The following CREB3L2 variants were observed in gnomAD, a reference collection of about 807,000 sequenced individuals.
CREB3L2 encodes the protein cyclic AMP-responsive element-binding protein 3-like protein 2.
A neutral mutation model predicts 57.2 loss-of-function variants in CREB3L2; 23 were observed. The observed-to-expected ratio is 0.40, with a 90% CI of 0.29 to 0.57. CREB3L2 has a LOEUF of 0.57. Among genes scored for constraint, CREB3L2 ranks in the 20% least tolerant of loss-of-function variants. CREB3L2 has a pLI of 0.42. For missense variants in CREB3L2, 628 were observed against 634.7 expected, an observed-to-expected ratio of 0.99 and a Z score of 0.11; for synonymous variants, 268 against 265.1, an observed-to-expected ratio of 1.01 and a Z score of -0.11.
rs563008226 is a variant in CREB3L2, at chr7:137,875,918, A to G, written c.*4558T>C. 1.4e-3 allele frequency: 317 copies of G among 225,996 alleles called. No homozygotes were observed. Among genetic ancestry groups the G allele is most frequent in the Non-Finnish European group, 2.0e-3 (229 of 113,560 alleles). The allele number at this position is 225,996 out of a possible 1,614,324, so 14.0% of individuals were successfully genotyped here. On this transcript the variant is annotated 3_prime_UTR_variant, in exon 12 of 12. Coordinates refer to ENST00000330387, the MANE Select transcript of CREB3L2 (RefSeq NM_194071.4). ...TTGTCCAAAATAACAAAACAAAACA[A>G]CACCTAGTTTTTTCCTGTGTTAAGT...
chr7:137,881,597 A>G (rs1245946845), intron 11 of CREB3L2, among the ~76,000 whole-genome samples: 1 of 152,222 alleles, frequency 6.6e-6, no homozygotes, highest in East Asian at 1.9e-4. Context: ...TCCCCTGCAG[A>G]ATTAGGGGAT....
At chr7:137,930,496 T>A (rs530444799) in intron 1 of CREB3L2, among the ~76,000 whole-genome samples, 1 of 152,336 alleles carries the variant, frequency 6.6e-6, no homozygotes, top group African/African-American at 2.4e-5. Flanking sequence ...AGATGGGAGA[T>A]GTCCCTAGAG....
rs189720460 is a variant in CREB3L2 at position 137,943,539 on chromosome 7, C to T, written c.103-15173G>A. On this transcript the variant is annotated intron_variant, in intron 1 of 11. Coordinates refer to ENST00000330387, the MANE Select transcript of CREB3L2 (RefSeq NM_194071.4). ...CTGTACTACTTTCTCCTCAACCAAA[C>T]CTCCTTTCATCTACCAGTATCTTCT... 1.9e-3 allele frequency among the ~76,000 whole-genome samples: 287 copies of T among 152,276 alleles called. 4 individuals are homozygous for T. The highest frequency in any genetic ancestry group is 6.5e-3 in the African/African-American group (272 of 41,554).
intron 2 of CREB3L2, among the ~76,000 whole-genome samples, chr7:137,920,056 T>C (rs1201150607): frequency 6.6e-6 from 1 of 152,172 alleles, no homozygotes; most frequent in Non-Finnish European, 1.5e-5. Context: ...ATGGGGGTGT[T>C]TAGAAGCCCT....
chr7:137,925,400 A>G (rs978454641), intron 2 of CREB3L2, among the ~76,000 whole-genome samples: 6 of 152,214 alleles, frequency 3.9e-5, no homozygotes, highest in Non-Finnish European at 7.3e-5. Flanking sequence ...TTCCCCATCT[A>G]TCACTGAACA....
intron 1 of CREB3L2, among the ~76,000 whole-genome samples, chr7:137,969,652 A>G (rs982026936): frequency 4.6e-5 from 7 of 151,654 alleles, no homozygotes; most frequent in African/African-American, 9.7e-5. Flanking sequence ...CGTCCGGCCT[A>G]TGATTTTCAT....
chr7:137,975,410 A>G (rs2117306881), intron 1 of CREB3L2, among the ~76,000 whole-genome samples: 1 of 152,346 alleles, frequency 6.6e-6, no homozygotes, highest in South Asian at 2.1e-4. Flanking sequence ...TGCAGCTCCC[A>G]GGCGGGCTGA....
intron 1 of CREB3L2, among the ~76,000 whole-genome samples, chr7:137,991,375 A>G (rs1449279069): frequency 1.3e-5 from 2 of 151,832 alleles, no homozygotes; most frequent in Non-Finnish European, 2.9e-5. Flanking sequence ...CGTGTTAGCC[A>G]GGATGGTCTC....
chr7:137,899,658 T>A (rs1799712512), intron 8 of CREB3L2, among the ~76,000 whole-genome samples: 1 of 152,160 alleles, frequency 6.6e-6, no homozygotes, highest in Non-Finnish European at 1.5e-5. Context: ...GAGATCAAGG[T>A]AATGCCACAC....
chr7:137,976,770 T>C (rs1487159693), intron 1 of CREB3L2, among the ~76,000 whole-genome samples: 1 of 152,210 alleles, frequency 6.6e-6, no homozygotes, highest in Admixed American at 6.5e-5. Flanking sequence ...TAGTATTTTT[T>C]AAAAATCTCC....
chr7:137,925,202 G>A (rs1800426625), intron 2 of CREB3L2, among the ~76,000 whole-genome samples: 1 of 152,084 alleles, frequency 6.6e-6, no homozygotes, highest in South Asian at 2.1e-4. Context: ...GGAGAGAGGG[G>A]AAGCAGGAGG....
chr7:137,909,647 T>A (rs1049467345), intron 4 of CREB3L2, among the ~76,000 whole-genome samples: 3 of 152,132 alleles, frequency 2.0e-5, no homozygotes, highest in African/African-American at 7.2e-5. Context: ...CCTCAGCACA[T>A]CACCTCCTTG....
At chr7:137,960,436 G>A (rs1801298762) in intron 1 of CREB3L2, among the ~76,000 whole-genome samples, 1 of 152,106 alleles carries the variant, frequency 6.6e-6, no homozygotes, top group Non-Finnish European at 1.5e-5. Context: ...GGGGTGGGGA[G>A]AGAGAAAATA....
Position 138,001,343 on chromosome 7 carries a change from C to T in CREB3L2, c.102+261G>A, listed in dbSNP as rs896005494. On this transcript the variant is annotated intron_variant, in intron 1 of 11. Transcript: ENST00000330387. This position sits in a 1 kb window ranked among gnomAD's most constrained non-coding sequence, Gnocchi z 4.2. The stretch of plus-strand genomic sequence containing the variant: ...CTGTTAACAACAGCAAATGATATTA[C>T]AGATGGAAAAAGCCTCAGGGAAAAA... 6.6e-6 allele frequency among the ~76,000 whole-genome samples: 1 copy of T among 152,100 alleles called. No homozygotes were observed. The highest frequency in any genetic ancestry group is 2.4e-5 in the African/African-American group (1 of 41,424).
chr7:137,928,713 G>A lies in CREB3L2; in HGVS notation c.103-347C>T, dbSNP rs145718455. Among the ~76,000 whole-genome samples, 282 of 152,296 alleles carry A rather than the reference G, an allele frequency of 1.9e-3. 1 individual carries two copies. Among genetic ancestry groups the A allele is most frequent in the Non-Finnish European group, 3.5e-3 (235 of 68,016 alleles). The stretch of plus-strand genomic sequence containing the variant: ...CTTTCTCAAAAGGAAAGATCAGGCC[G>A]GGCTTCCTCCCATGATGGCAGAAAT... On this transcript the variant is annotated intron_variant, in intron 1 of 11. Coordinates refer to ENST00000330387, the MANE Select transcript of CREB3L2 (RefSeq NM_194071.4).
At position 137,946,900 on chromosome 7, in the gene CREB3L2, T is replaced by TTATCTATATAGTTA. The variant is rs1801001369; in HGVS notation, c.103-18535_103-18534insTAACTATATAGATA. 1.5e-4 allele frequency among the ~76,000 whole-genome samples: 4 copies of TTATCTATATAGTTA among 25,884 alleles called. 1 individual carries two copies. The highest frequency in any genetic ancestry group is 4.8e-4 in the Admixed American group (1 of 2,104). The allele number at this position is 25,884 out of a possible 152,430, so 17.0% of individuals were successfully genotyped here. A position where few individuals can be genotyped will look rare whatever the true frequency, so the allele number is the denominator to read the frequency against. On this transcript the variant is annotated intron_variant, in intron 1 of 11. Transcript: ENST00000330387. The stretch of plus-strand genomic sequence containing the variant: ...GTTATCTATATAGTTATATATATAG[T>TTATCTATATAGTTA]TATATATATAGTTATATATATAGTT...
intron 2 of CREB3L2, among the ~76,000 whole-genome samples, chr7:137,927,763 C>T (rs1203872656): frequency 7.1e-6 from 1 of 140,478 alleles, no homozygotes; most frequent in East Asian, 2.1e-4. Context: ...CAAGAAGCTT[C>T]TATAGAGGAA....
intron 2 of CREB3L2, among the ~76,000 whole-genome samples, chr7:137,923,179 A>G (rs558680297): frequency 6.6e-6 from 1 of 152,320 alleles, no homozygotes; most frequent in African/African-American, 2.4e-5. Context: ...TGAATATCCA[A>G]AGTAACTGTA....
At chr7:137,956,511 A>G (rs1801214472) in intron 1 of CREB3L2, 1 of 670,468 alleles carries the variant, frequency 1.5e-6, no homozygotes, top group Non-Finnish European at 2.3e-6. Flanking sequence ...GCTCTCTCTT[A>G]TTCACAAAAG....
Sources: gnomAD v4.1 joint callset for allele counts (sites outside exome capture counted in the v4.1 genomes callset) on GRCh38, gnomAD v4.1.1 for gene constraint, Gnocchi (gnomAD v3.1) non-coding constraint, MANE v1.5 for transcripts, NCBI Gene and HGNC (gene_info 2026-07-23, HGNC 2026-07-21) for gene names.